The following LTK variants were observed in gnomAD, a reference collection of about 807,000 sequenced individuals.
LTK encodes the protein leukocyte receptor tyrosine kinase.
A neutral mutation model predicts 101.5 loss-of-function variants in LTK; 117 were observed. The observed-to-expected ratio is 1.15, with a 90% CI of 0.99 to 1.34. The LOEUF is 1.34. Ranked by LOEUF, LTK falls within the 40% of genes most tolerant of loss-of-function variation. LTK has a pLI of 0.00. For missense variants in LTK, 1,252 were observed against 1,164.7 expected (o/e 1.07, Z -1.09); for synonymous variants, 563 against 494.2 (o/e 1.14, Z -1.85).
At chr15:41,507,910 T>C (rs1388968173) in intron 9 of LTK, among the ~76,000 whole-genome samples, 159 bp downstream of exon 9, 1 of 152,206 alleles carries the variant, frequency 6.6e-6, no homozygotes, top group East Asian at 1.9e-4. Flanking sequence ...GACAGGCCTC[T>C]GAAAGGCACT....
Position 41,504,227 on chromosome 15 carries a change from A to C in LTK, c.2364T>G (p.Asn788Lys). ...QYCTQDPDVL[N>K]SLLPMELGPT... Reference sequence around the variant, plus strand: ...GCCCCAGCTCCATTGGCAGGAGTGAATTCAGCACATCCGGGTCCTGTAATG... The same window carrying C: ...GCCCCAGCTCCATTGGCAGGAGTGACTTCAGCACATCCGGGTCCTGTAATG... Residue 788 changes from asparagine to lysine, a missense_variant, in exon 20 of 20, where the codon AAT becomes AAG. Asn to Lys is a moderately conservative substitution (Grantham distance 94). Coordinates refer to ENST00000263800, the MANE Select transcript of LTK (RefSeq NM_002344.6). 6.2e-7 allele frequency: 1 copy of C among 1,609,942 alleles called. No individual in the cohort carries two copies. The highest frequency in any genetic ancestry group is 8.5e-7 in the Non-Finnish European group (1 of 1,177,310).
rs770868232 is a variant in LTK at position 41,504,172 on chromosome 15, G to T, written c.2419C>A (p.Leu807Met). ...PTPEEEGTSGLGNRSLECLRP... is the reference protein window; with the variant it reads ...PTPEEEGTSGMGNRSLECLRP... ...AGGCACTCCAAAGATCTGTTCCCCAGCCCAGAAGTCCCTTCCTCCTCTGGG... is the reference window on the plus strand; with the variant it reads ...AGGCACTCCAAAGATCTGTTCCCCATCCCAGAAGTCCCTTCCTCCTCTGGG... Residue 807 changes from leucine to methionine, a missense_variant, in exon 20 of 20, where the codon CTG becomes ATG. Physicochemically the swap from Leu to Met is conservative, Grantham distance 15. Coordinates refer to ENST00000263800, the MANE Select transcript of LTK (RefSeq NM_002344.6). 2 of 1,613,764 alleles carry T rather than the reference G, an allele frequency of 1.2e-6. No individual in the cohort carries two copies. The highest frequency in any genetic ancestry group is 2.2e-5 in the South Asian group (2 of 91,076).
intron 15 of LTK, 22 bp downstream of exon 15, chr15:41,505,186 C>A (rs554909165): frequency 6.2e-7 from 1 of 1,610,228 alleles, no homozygotes; most frequent in South Asian, 1.1e-5. Flanking sequence ...TGGGGGTCCC[C>A]TGAGCCAGGA....
chr15:41,512,496 C>T (rs1077809), intron 3 of LTK, among the ~76,000 whole-genome samples: 76,445 of 152,014 alleles, frequency 0.5, 19,800 homozygotes, highest in African/African-American at 0.64. Context: ...CCCTTGGCGC[C>T]GCCCTGGTTG....
rs1422879128 is a variant in LTK at position 41,512,282 on chromosome 15, G to A, written c.360-17C>T. The A allele has an allele frequency of 1.9e-6, 3 of 1,608,524 alleles. No homozygotes were observed. Among genetic ancestry groups the A allele is most frequent in the Non-Finnish European group, 2.5e-6 (3 of 1,177,390 alleles). Reference sequence around the variant, plus strand: ...GCTGAGATCCTGCGGGGAACGGACGGTGAGTCCCCGGCCTTCGGTGCTCAG... The same window carrying A: ...GCTGAGATCCTGCGGGGAACGGACGATGAGTCCCCGGCCTTCGGTGCTCAG... On this transcript the variant is annotated splice_polypyrimidine_tract_variant and intron_variant, in intron 3 of 19. Coordinates refer to ENST00000263800, the MANE Select transcript of LTK (RefSeq NM_002344.6).
chr15:41,506,894 G>C (rs1465455206), intron 11 of LTK, among the ~76,000 whole-genome samples: 1 of 152,198 alleles, frequency 6.6e-6, no homozygotes, highest in Non-Finnish European at 1.5e-5. Context: ...CCAGCTGAGA[G>C]ATCATATTCT....
chr15:41,511,052 G>A lies in LTK; in HGVS notation c.997+112C>T. On this transcript the variant is annotated intron_variant, in intron 7 of 19. Transcript: ENST00000263800. The surrounding 1 kb of genome is among the most constrained non-coding windows in gnomAD (Gnocchi z 5.9). ...CTTTTTGTTTGGAGCTGCTGAGCAGGGCTTAATGCCTCTCCCACACCTATC... is the reference window on the plus strand; with the variant it reads ...CTTTTTGTTTGGAGCTGCTGAGCAGAGCTTAATGCCTCTCCCACACCTATC... The A allele has an allele frequency of 8.0e-7, 1 of 1,257,446 alleles. No individual in the cohort carries two copies. Among genetic ancestry groups the A allele is most frequent in the Non-Finnish European group, 1.0e-6 (1 of 995,128 alleles). The allele number at this position is 1,257,446 out of a possible 1,614,324, so 77.9% of individuals were successfully genotyped here.
rs2051190805 is a variant in LTK, at chr15:41,504,603, C to T, written c.2158G>A (p.Gly720Ser). The T allele has an allele frequency of 3.7e-6, 6 of 1,613,678 alleles. No homozygotes were observed. The East Asian group carries it at 1.3e-4, about 36-fold the overall frequency. Residue 720 changes from glycine to serine, a missense_variant, in exon 18 of 20, where the codon GGC (glycine) becomes AGC (serine). By Grantham distance (56) the Gly-to-Ser change is moderately conservative. Coordinates refer to ENST00000263800, the MANE Select transcript of LTK (RefSeq NM_002344.6). ...GTGCGCCCAGGATAGGGCATGTAGC[C>T]CAGTGAGAAGATCTCCCAGAGCAGC... is the stretch of plus-strand genomic sequence containing the variant. ...GVLLWEIFSL[G>S]YMPYPGRTNQ...
rs1168664150 is a variant in LTK, at chr15:41,505,394, G to A, written c.1827+7C>T. 1 of 1,613,962 alleles carries A rather than the reference G, an allele frequency of 6.2e-7. No homozygotes were observed. Among genetic ancestry groups the A allele is most frequent in the Non-Finnish European group, 8.5e-7 (1 of 1,179,956 alleles). ...GGGGCCTGGGGGGGCTAAGACAAGG[G>A]TCTCACCAGGTGTGGCCGACTGTGC... On this transcript the variant is annotated splice_region_variant and intron_variant, in intron 14 of 19. Coordinates refer to ENST00000263800, the MANE Select transcript of LTK (RefSeq NM_002344.6).
intron 11 of LTK, 90 bp from the exon 12 acceptor site, chr15:41,506,095 G>A (rs1357815765): frequency 2.5e-6 from 2 of 794,410 alleles, no homozygotes; most frequent in Non-Finnish European, 2.2e-6. Context: ...CCCTGCCCCT[G>A]CCATATGCCC....
Position 41,505,965 on chromosome 15 carries a change from G to C in LTK, c.1582C>G (p.Leu528Val). ...HGAFGEVYEG[L>V]VIGLPGDSSP... ...GAGTCCCCAGGAAGGCCAATTACCA[G>C]TCCCTCATACACCTCCCCAAAGGCA... The change falls in exon 12 of 20, where the codon CTG (leucine) becomes GTG (valine). Residue 528 changes from leucine (L) to valine (V), a missense_variant. Leu to Val is a conservative substitution (Grantham distance 32, BLOSUM62 1). Coordinates refer to ENST00000263800, the MANE Select transcript of LTK (RefSeq NM_002344.6). The C allele has an allele frequency of 6.2e-7, 1 of 1,613,996 alleles. No homozygotes were observed. Among genetic ancestry groups the C allele is most frequent in the African/African-American group, 1.3e-5 (1 of 75,018 alleles).
chr15:41,511,574 C>T lies in LTK; in HGVS notation c.662G>A (p.Arg221His), dbSNP rs756320474. The T allele has an allele frequency of 1.4e-6, 2 of 1,443,758 alleles. No homozygotes were observed. Among genetic ancestry groups the T allele is most frequent in the Non-Finnish European group, 1.8e-6 (2 of 1,110,356 alleles). The allele number at this position is 1,443,758 out of a possible 1,614,324, so 89.4% of individuals were successfully genotyped here. A position where few individuals can be genotyped will look rare whatever the true frequency, so the allele number is the denominator to read the frequency against. ...GGGATYVFRVRAGELEPLLVA... is the reference protein window; with the variant it reads ...GGGATYVFRVHAGELEPLLVA... ...CAGCAACGGTTCCAGCTCGCCAGCG[C>T]GCACCTGTGGGGCCAGCGGCGTGTT... is the stretch of plus-strand genomic sequence containing the variant. The change falls in exon 6 of 20, where the codon CGC (arginine) becomes CAC (histidine). Residue 221 changes from arginine (R) to histidine (H), a missense_variant. Physicochemically the swap from Arg to His is conservative, Grantham distance 29. Transcript: ENST00000263800. The surrounding 1 kb of genome is among the most constrained non-coding windows in gnomAD (Gnocchi z 5.9).
At chr15:41,505,869 G>C (rs753629738) in intron 12 of LTK, 46 bp downstream of exon 12, 2 of 1,599,624 alleles carry the variant, frequency 1.3e-6, no homozygotes, top group Non-Finnish European at 1.7e-6. Context: ...TTCCCTTCAG[G>C]GTGTTCCGCT....
chr15:41,507,318 C>A lies in LTK; in HGVS notation c.1346-28G>T. 3 of 1,564,052 alleles carry A rather than the reference C, an allele frequency of 1.9e-6. No individual in the cohort carries two copies. Among genetic ancestry groups the A allele is most frequent in the Non-Finnish European group, 2.6e-6 (3 of 1,153,210 alleles). The stretch of plus-strand genomic sequence containing the variant: ...GGGGGTGGGAAGAATAACGGCACAC[C>A]CTCCACCTGCCCATCAACTCTCCCT... On this transcript the variant is annotated intron_variant, in intron 10 of 19. Transcript: ENST00000263800.
rs760412503 is a variant in LTK at position 41,504,764 on chromosome 15, T to G, written c.2120+9A>C. 2.7e-6 allele frequency: 4 copies of G among 1,500,352 alleles called. No individual in the cohort carries two copies. In the Admixed American group the frequency reaches 7.0e-5, roughly 26 times the overall value. 92.9% of individuals were successfully genotyped at this position (1,500,352 alleles called of 1,614,324 possible). On this transcript the variant is annotated intron_variant, in intron 17 of 19. Transcript: ENST00000263800. The stretch of plus-strand genomic sequence containing the variant: ...ACAGTGGGGAAGGGGAGGGGAAGGG[T>G]GTTATCACCAGGAATCTGTCTTGGA...
Position 41,511,234 on chromosome 15 carries a change from C to A in LTK, c.927G>T (p.Trp309Cys). 1.4e-6 allele frequency: 2 copies of A among 1,409,600 alleles called. No individual in the cohort carries two copies. Among genetic ancestry groups the A allele is most frequent in the African/African-American group, 1.5e-5 (1 of 66,168 alleles). 87.3% of individuals were successfully genotyped at this position (1,409,600 alleles called of 1,614,324 possible). The change falls in exon 7 of 20, where the codon TGG becomes TGT. Residue 309 changes from tryptophan (W) to cysteine (C), a missense_variant. Physicochemically the swap from Trp to Cys is radical, Grantham distance 215 (BLOSUM62 -2). Transcript: ENST00000263800. The surrounding 1 kb of genome is among the most constrained non-coding windows in gnomAD (Gnocchi z 5.9). The stretch of plus-strand genomic sequence containing the variant: ...CGCCCCCGAAGCCGCCGGCCGCGGC[C>A]CAGCCAAGGGTCGCCCAAGCCTCGG... ...GCSEAWATLG[W>C]AAAGGFGGGG...
At position 41,513,651 on chromosome 15, in the gene LTK, G is replaced by A. The variant is rs767161443; in HGVS notation, c.43+16C>T. ...CCTCAGGCTGGACGGTCCCCTGACC[G>A]CCAGATAGCACTTACCCGCGGCTCC... On this transcript the variant is annotated intron_variant, in intron 1 of 19. Coordinates refer to ENST00000263800, the MANE Select transcript of LTK (RefSeq NM_002344.6). The A allele has an allele frequency of 1.2e-5, 19 of 1,612,618 alleles. No homozygotes were observed. The highest frequency in any genetic ancestry group is 1.6e-5 in the Non-Finnish European group (19 of 1,179,432).
Position 41,513,012 on chromosome 15 carries a change from C to G in LTK, c.152G>C (p.Ser51Thr), listed in dbSNP as rs372292312. The G allele has an allele frequency of 1.9e-6, 3 of 1,613,162 alleles. No individual in the cohort carries two copies. The highest frequency in any genetic ancestry group is 2.5e-6 in the Non-Finnish European group (3 of 1,179,880). ...CAGCGGGGAGGCTGGCTCCAAGATA[C>G]TAGGCGGGGCGCTGACTTTCGGGTC... ...PRDPKVSAPP[S>T]ILEPASPLNS... is the part of the protein sequence containing the mutation. Residue 51 changes from serine (S) to threonine (T), a missense_variant, in exon 2 of 20, where the codon AGT (serine) becomes ACT (threonine). By Grantham distance (58) the Ser-to-Thr change is moderately conservative. Coordinates refer to ENST00000263800, the MANE Select transcript of LTK (RefSeq NM_002344.6).
chr15:41,507,276 A>G lies in LTK; in HGVS notation c.1360T>C (p.Trp454Arg). ...GVLILVKQKK[W>R]QGLQEMRLPS... ...AGCCTCATCTCCTGCAGGCCCTGCC[A>G]CTTCTTCTGCTTCACTGGGGGTGGG... Residue 454 changes from tryptophan (W) to arginine (R), a missense_variant, in exon 11 of 20, where the codon TGG becomes CGG. Physicochemically the swap from Trp to Arg is moderately radical, Grantham distance 101. Coordinates refer to ENST00000263800, the MANE Select transcript of LTK (RefSeq NM_002344.6). 6.3e-7 allele frequency: 1 copy of G among 1,597,020 alleles called. No homozygotes were observed. Among genetic ancestry groups the G allele is most frequent in the Non-Finnish European group, 8.5e-7 (1 of 1,172,776 alleles).
Sources: gnomAD v4.1 joint callset for allele counts (sites outside exome capture counted in the v4.1 genomes callset) on GRCh38, gnomAD v4.1.1 for gene constraint, Gnocchi (gnomAD v3.1) non-coding constraint, MANE v1.5 for transcripts, NCBI Gene and HGNC (gene_info 2026-07-23, HGNC 2026-07-21) for gene names.